UBE3D: variants seen among roughly 807,000 people sequenced by gnomAD.
UBE3D encodes E3 ubiquitin-protein ligase E3D.
UBE3D carries 48 observed loss-of-function variants against 49.6 expected under a neutral mutation model. The observed-to-expected ratio is 0.97, with a 90% CI of 0.77 to 1.23. The LOEUF is 1.23. Among genes scored for constraint, UBE3D ranks in the 50% most tolerant of loss-of-function variants. UBE3D has a pLI of 0.00. For synonymous variants in UBE3D, 189 were observed against 174.2 expected, an observed-to-expected ratio of 1.08 and a Z score of -0.67; for missense variants, 452 against 468.4, an observed-to-expected ratio of 0.96 and a Z score of 0.32.
At chr6:83,050,295 G>T (rs1444472436) in intron 3 of UBE3D, among the ~76,000 whole-genome samples, 1 of 149,914 alleles carries the variant, frequency 6.7e-6, no homozygotes, top group African/African-American at 2.4e-5. Context: ...AAATAATCAT[G>T]AATCACAAAG....
intron 1 of UBE3D, among the ~76,000 whole-genome samples, chr6:83,059,466 T>C (rs1445855957): frequency 6.6e-6 from 1 of 152,176 alleles, no homozygotes; most frequent in African/African-American, 2.4e-5. Flanking sequence ...ATTTGGCCAA[T>C]GGGCCATAGT....
chr6:82,956,650 G>T (rs1004384647), intron 9 of UBE3D, among the ~76,000 whole-genome samples: 3 of 152,100 alleles, frequency 2.0e-5, no homozygotes, highest in Non-Finnish European at 4.4e-5. Context: ...AAGATTCCTG[G>T]GTCTCCTGCA....
chr6:82,981,311 A>G (rs2127719247), intron 8 of UBE3D, among the ~76,000 whole-genome samples: 1 of 152,274 alleles, frequency 6.6e-6, no homozygotes, highest in East Asian at 1.9e-4. Flanking sequence ...GTATGAACAC[A>G]GCATACAGGA....
At chr6:82,969,892 T>A (rs1777222585) in intron 8 of UBE3D, among the ~76,000 whole-genome samples, 2 of 151,752 alleles carry the variant, frequency 1.3e-5, no homozygotes, top group Non-Finnish European at 2.9e-5. Context: ...AGTAGGCATA[T>A]TTGCTTTCCA....
intron 9 of UBE3D, among the ~76,000 whole-genome samples, chr6:82,903,108 T>C (rs1403206943): frequency 6.6e-6 from 1 of 152,162 alleles, no homozygotes; most frequent in East Asian, 1.9e-4. Context: ...AAGGAATCCA[T>C]AATCCAATTT....
chr6:83,045,619 A>G (rs1782973968), intron 3 of UBE3D, among the ~76,000 whole-genome samples: 1 of 152,118 alleles, frequency 6.6e-6, no homozygotes, highest in Admixed American at 6.5e-5. Flanking sequence ...ACTTTCTTCT[A>G]TAATTTCTTC....
At chr6:82,881,762 CATA>C in the UBE3D span, among the ~76,000 whole-genome samples, 1 of 152,156 alleles carries the variant, frequency 6.6e-6, no homozygotes, top group Non-Finnish European at 1.5e-5. Flanking sequence ...TCTGGAATCA[CATA>C]ATATTTCTGC....
At chr6:82,887,379 GACAGTA>G in the UBE3D span, among the ~76,000 whole-genome samples, 1 of 118,244 alleles carries the variant, frequency 8.5e-6, no homozygotes, top group Non-Finnish European at 1.7e-5. Context: ...ATTTGGAGGA[GACAGTA>G]ACAGTTTTTT....
At chr6:83,016,673 C>T (rs1780721167) in intron 8 of UBE3D, among the ~76,000 whole-genome samples, 1 of 150,682 alleles carries the variant, frequency 6.6e-6, no homozygotes, top group Non-Finnish European at 1.5e-5. Context: ...ATATATAAAT[C>T]TTCATATATA....
At position 83,065,771 on chromosome 6, in the gene UBE3D, G is replaced by A; in HGVS notation, c.-53C>T. The A allele has an allele frequency of 6.5e-7, 1 of 1,543,918 alleles. No individual in the cohort carries two copies. Among genetic ancestry groups the A allele is most frequent in the East Asian group, 2.4e-5 (1 of 41,570 alleles). ...AAGCTGGAGGTTCCGAGGGGCCCGG[G>A]TCAACAGGACCAGGAGAGGTTCCAC... On this transcript the variant is annotated 5_prime_UTR_variant, in exon 1 of 10. Transcript: ENST00000369747.
intron 9 of UBE3D, among the ~76,000 whole-genome samples, chr6:82,946,606 A>G (rs997235757): frequency 6.6e-6 from 1 of 152,160 alleles, no homozygotes; most frequent in Non-Finnish European, 1.5e-5. Flanking sequence ...ACAGAAAAAT[A>G]CAGACTATTA....
At chr6:82,983,869 C>A (rs975739481) in intron 8 of UBE3D, among the ~76,000 whole-genome samples, 1 of 152,096 alleles carries the variant, frequency 6.6e-6, no homozygotes, top group East Asian at 1.9e-4. Context: ...GTTTTAAAGT[C>A]TCTTGGAGCA....
chr6:82,931,055 G>A (rs544481442), intron 9 of UBE3D, among the ~76,000 whole-genome samples: 5 of 152,284 alleles, frequency 3.3e-5, no homozygotes, highest in South Asian at 2.1e-4. Flanking sequence ...TTGGTGCCCC[G>A]CATCCTAGCT....
chr6:82,928,933 A>G (rs904413709), intron 9 of UBE3D, among the ~76,000 whole-genome samples: 6 of 152,222 alleles, frequency 3.9e-5, no homozygotes, highest in African/African-American at 1.2e-4. Flanking sequence ...TACAGAAGTG[A>G]CAACAAACAC....
chr6:82,897,962 A>C (rs565008510), intron 9 of UBE3D, among the ~76,000 whole-genome samples: 13 of 152,338 alleles, frequency 8.5e-5, no homozygotes, highest in Non-Finnish European at 1.3e-4. Flanking sequence ...CAGAATCTAC[A>C]AAGAACTTAA....
intron 9 of UBE3D, among the ~76,000 whole-genome samples, chr6:82,914,916 C>CG (rs1562078823): frequency 6.6e-6 from 1 of 151,842 alleles, no homozygotes; most frequent in Non-Finnish European, 1.5e-5. Context: ...ATGGAAATTA[C>CG]TTTTTCCATT....
At chr6:82,945,085 C>T (rs1775302644) in intron 9 of UBE3D, among the ~76,000 whole-genome samples, 1 of 152,230 alleles carries the variant, frequency 6.6e-6, no homozygotes, top group Non-Finnish European at 1.5e-5. Context: ...TTACCAACTG[C>T]TGATAGTAGA....
chr6:82,924,989 T>C (rs1008809113), intron 9 of UBE3D: 3 of 152,384 alleles, frequency 2.0e-5, no homozygotes, highest in Admixed American at 6.6e-5. Flanking sequence ...CAGTTGCATA[T>C]GCCCCTACAG....
chr6:82,930,444 C>T (rs1774063207), intron 9 of UBE3D, among the ~76,000 whole-genome samples: 1 of 152,054 alleles, frequency 6.6e-6, no homozygotes, highest in Non-Finnish European at 1.5e-5. Flanking sequence ...GTTTGGCAGG[C>T]TCAGAAGAAG....
Sources: gnomAD v4.1 joint callset for allele counts (sites outside exome capture counted in the v4.1 genomes callset) on GRCh38, gnomAD v4.1.1 for gene constraint, MANE v1.5 for transcripts, NCBI Gene and HGNC (gene_info 2026-07-23, HGNC 2026-07-21) for gene names.